GABRG3: variants seen among roughly 807,000 people sequenced by gnomAD.
GABRG3 encodes the protein gamma-aminobutyric acid type A receptor subunit gamma3.
In GABRG3, 25 loss-of-function variants were observed where a neutral mutation model predicts 48.8. That is an observed-to-expected ratio of 0.51 (90% CI 0.37 to 0.72). GABRG3 has a LOEUF of 0.72. GABRG3 is among the 30% of genes least tolerant of loss of function. The pLI is 0.00. For missense variants in GABRG3, 394 were observed against 577.9 expected, an observed-to-expected ratio of 0.68 and a Z score of 3.26; for synonymous variants, 227 against 217.6, an observed-to-expected ratio of 1.04 and a Z score of -0.38.
At chr15:27,308,998 A>G (rs1375973885) in intron 3 of GABRG3, among the ~76,000 whole-genome samples, 1 of 150,736 alleles carries the variant, frequency 6.6e-6, no homozygotes, top group African/African-American at 2.4e-5. Flanking sequence ...GAAAACACAT[A>G]TAATGTAAAA....
chr15:27,298,955 A>G (rs1209583579), intron 3 of GABRG3, among the ~76,000 whole-genome samples: 1 of 152,168 alleles, frequency 6.6e-6, no homozygotes, highest in Non-Finnish European at 1.5e-5. Flanking sequence ...GAACAACAAC[A>G]ACAAAAAATG....
intron 5 of GABRG3, among the ~76,000 whole-genome samples, chr15:27,393,315 G>T (rs1159786843): frequency 3.4e-5 from 5 of 147,706 alleles, no homozygotes; most frequent in Non-Finnish European, 5.9e-5. Flanking sequence ...CTGCACTCCA[G>T]CCTGGGTGAC....
chr15:27,224,827 G>A (rs756861824), intron 3 of GABRG3, among the ~76,000 whole-genome samples: 1 of 152,190 alleles, frequency 6.6e-6, no homozygotes, highest in Non-Finnish European at 1.5e-5. Flanking sequence ...CTATTTGTGA[G>A]CTTAATGGAG....
chr15:27,163,206 A>G (rs1452995056), intron 3 of GABRG3, among the ~76,000 whole-genome samples: 2 of 152,066 alleles, frequency 1.3e-5, no homozygotes, highest in Admixed American at 6.5e-5. Context: ...ACTGCCCTCT[A>G]AATTAAATCT....
At chr15:27,395,945 C>T (rs979916526) in intron 5 of GABRG3, among the ~76,000 whole-genome samples, 4 of 152,256 alleles carry the variant, frequency 2.6e-5, no homozygotes, top group South Asian at 2.1e-4. Flanking sequence ...ACTGCAGCCT[C>T]AACCTCCCAA....
intron 3 of GABRG3, among the ~76,000 whole-genome samples, chr15:27,173,871 G>C (rs1025185103): frequency 2.0e-5 from 3 of 152,036 alleles, no homozygotes; most frequent in African/African-American, 7.2e-5. Context: ...AGCAGAGTGA[G>C]ACTGTCTCTG....
intron 3 of GABRG3, among the ~76,000 whole-genome samples, chr15:27,315,713 AAC>A (rs1893189852): frequency 6.6e-6 from 1 of 152,228 alleles, no homozygotes; most frequent in African/African-American, 2.4e-5. Flanking sequence ...TAATTTTGGT[AAC>A]ACCATTTTTA....
intron 5 of GABRG3, among the ~76,000 whole-genome samples, chr15:27,400,617 G>A (rs1296867410): frequency 6.6e-6 from 1 of 152,112 alleles, no homozygotes; most frequent in African/African-American, 2.4e-5. Flanking sequence ...AATTTTAAAC[G>A]AGTTTAGAGC....
At chr15:27,006,424 C>G (rs1240483980) in intron 2 of GABRG3, among the ~76,000 whole-genome samples, 5 of 152,152 alleles carry the variant, frequency 3.3e-5, no homozygotes, top group Admixed American at 3.3e-4. Flanking sequence ...TGGTCTCAAA[C>G]TCTTGGGCTC....
At chr15:27,446,291 A>G (rs1296334817) in intron 5 of GABRG3, among the ~76,000 whole-genome samples, 1 of 152,166 alleles carries the variant, frequency 6.6e-6, no homozygotes, top group Non-Finnish European at 1.5e-5. Flanking sequence ...ATACCTTTTC[A>G]TTTATTTAGG....
chr15:27,505,336 C>A (rs1890736830), intron 6 of GABRG3, among the ~76,000 whole-genome samples: 1 of 152,122 alleles, frequency 6.6e-6, no homozygotes, highest in Non-Finnish European at 1.5e-5. Flanking sequence ...CAGATTTCCC[C>A]ACTGTAAAGT....
intron 3 of GABRG3, among the ~76,000 whole-genome samples, chr15:27,033,563 A>G (rs144663325): frequency 4.9e-4 from 74 of 152,052 alleles, no homozygotes; most frequent in African/African-American, 1.6e-3. Context: ...TCTAGGGTCC[A>G]TTGTTTTCAG....
intron 3 of GABRG3, among the ~76,000 whole-genome samples, chr15:27,161,861 G>A (rs760111395): frequency 3.7e-4 from 57 of 152,172 alleles, no homozygotes; most frequent in Non-Finnish European, 6.2e-4. Flanking sequence ...ATACATCACA[G>A]CTTCTATAAA....
intron 3 of GABRG3, among the ~76,000 whole-genome samples, chr15:27,209,498 G>C (rs2140433816): frequency 6.6e-6 from 1 of 152,220 alleles, no homozygotes; most frequent in Admixed American, 6.5e-5. Flanking sequence ...GTCTACGCAA[G>C]CAATGTAAGA....
chr15:26,971,543 C>T lies in GABRG3; in HGVS notation c.8C>T (p.Pro3Leu), dbSNP rs751926985. 2 of 1,529,634 alleles carry T rather than the reference C, an allele frequency of 1.3e-6. No homozygotes were observed. Among genetic ancestry groups the T allele is most frequent in the African/African-American group, 1.4e-5 (1 of 70,128 alleles). The allele number at this position is 1,529,634 out of a possible 1,614,324, so 94.8% of individuals were successfully genotyped here. Residue 3 changes from proline to leucine, a missense_variant, in exon 1 of 10, where the codon CCG (proline) becomes CTG (leucine). Physicochemically the swap from Pro to Leu is moderately conservative, Grantham distance 98. Coordinates refer to ENST00000615808, the MANE Select transcript of GABRG3 (RefSeq NM_033223.5). ...CCCGAGCTCCACGGCACCATGGCCC[C>T]GAAGCTGCTGCTCCTCCTCTGCCTG... MAPKLLLLLCLFS... is the reference protein window; with the variant it reads MALKLLLLLCLFS...
intron 3 of GABRG3, among the ~76,000 whole-genome samples, chr15:27,055,769 G>A (rs13379545): frequency 0.092 from 13,969 of 151,942 alleles, 910 homozygotes; most frequent in East Asian, 0.32. Flanking sequence ...TCAGATAAGG[G>A]ATACCCAACC....
intron 3 of GABRG3, among the ~76,000 whole-genome samples, chr15:27,227,547 C>T (rs116096497): frequency 0.012 from 1,814 of 152,064 alleles, 37 homozygotes; most frequent in African/African-American, 0.04. Context: ...ATTATCTGGC[C>T]GTGGTGGCAT....
intron 3 of GABRG3, among the ~76,000 whole-genome samples, chr15:27,205,617 A>G (rs7402428): frequency 0.99 from 151,207 of 152,176 alleles, 75,121 homozygotes; most frequent in East Asian, 1. Flanking sequence ...GATTTTTTTG[A>G]AATAATTTCC....
intron 3 of GABRG3, among the ~76,000 whole-genome samples, chr15:27,219,331 A>C (rs1889372838): frequency 6.6e-6 from 1 of 152,162 alleles, no homozygotes; most frequent in African/African-American, 2.4e-5. Context: ...CCTCCAAGGT[A>C]GGCAGAGTCC....
Sources: gnomAD v4.1 joint callset for allele counts (sites outside exome capture counted in the v4.1 genomes callset) on GRCh38, gnomAD v4.1.1 for gene constraint, MANE v1.5 for transcripts, NCBI Gene and HGNC (gene_info 2026-07-23, HGNC 2026-07-21) for gene names.